The following TANC2 variants were observed in gnomAD, a reference collection of about 807,000 sequenced individuals.
The protein encoded by TANC2 is protein TANC2.
TANC2 carries 26 observed loss-of-function variants against 210.5 expected under a neutral mutation model. The ratio of observed to expected loss-of-function variants is 0.12; its 90% confidence interval spans 0.09 to 0.17. The LOEUF (loss-of-function observed/expected upper bound fraction) is 0.17, where lower values mean the gene tolerates loss of function less well. Ranked by LOEUF, TANC2 falls within the 10% of genes least tolerant of loss-of-function variation. The pLI, the probability that TANC2 is intolerant of heterozygous loss-of-function variation, is 1.00. For synonymous variants in TANC2, 931 were observed against 967.1 expected, an observed-to-expected ratio of 0.96 and a Z score of 0.69; for missense variants, 2,129 against 2,608.9, an observed-to-expected ratio of 0.82 and a Z score of 4.01.
chr17:63,367,731 A>G (rs2047151160), intron 14 of TANC2, among the ~76,000 whole-genome samples: 1 of 152,184 alleles, frequency 6.6e-6, no homozygotes, highest in Non-Finnish European at 1.5e-5. Context: ...GAGGAGTGAG[A>G]ACATATGAAA....
rs2037994740 is a variant in TANC2 at position 63,110,506 on chromosome 17, C to CTT, written c.322+11150_322+11151insTT. 1.3e-5 allele frequency among the ~76,000 whole-genome samples: 2 copies of CTT among 151,630 alleles called. 1 individual carries two copies. The highest frequency in any genetic ancestry group is 4.9e-5 in the African/African-American group (2 of 40,932). On this transcript the variant is annotated intron_variant, in intron 4 of 27. Coordinates refer to ENST00000689528, the Ensembl canonical transcript of TANC2. ...CTCACAGTTCTGGTGGCTGGGAAGT[C>CTT]TAAGATCAAGGCACCAGCAGGTTTG...
chr17:63,050,952 A>G (rs973350089), intron 2 of TANC2, among the ~76,000 whole-genome samples: 1 of 152,194 alleles, frequency 6.6e-6, no homozygotes, highest in Non-Finnish European at 1.5e-5. Context: ...CATAGTCTCA[A>G]TGTTAGTGCA....
At chr17:62,972,894 A>G (rs1242662618) in intron 1 of TANC2, among the ~76,000 whole-genome samples, 1 of 152,108 alleles carries the variant, frequency 6.6e-6, no homozygotes, top group African/African-American at 2.4e-5. Flanking sequence ...TCTCTGGGCA[A>G]ACTGCTTCAC....
At chr17:62,990,827 CAG>C (rs1471368385) in intron 1 of TANC2, among the ~76,000 whole-genome samples, 1 of 151,826 alleles carries the variant, frequency 6.6e-6, no homozygotes, top group African/African-American at 2.4e-5. Context: ...GGGTAGTTGA[CAG>C]AGTTCTTTCT....
At chr17:62,979,529 A>T (rs999940671) in intron 1 of TANC2, among the ~76,000 whole-genome samples, 5 of 152,214 alleles carry the variant, frequency 3.3e-5, no homozygotes, top group Non-Finnish European at 7.3e-5. Flanking sequence ...AATAAATTTT[A>T]AAAATATTTT....
At chr17:63,094,296 T>C (rs2037308773) in intron 3 of TANC2, among the ~76,000 whole-genome samples, 1 of 152,082 alleles carries the variant, frequency 6.6e-6, no homozygotes, top group Admixed American at 6.6e-5. Flanking sequence ...AGTCACAGAG[T>C]GATGATACGA....
At chr17:63,211,440 A>G (rs963577771) in intron 7 of TANC2, among the ~76,000 whole-genome samples, 2 of 151,706 alleles carry the variant, frequency 1.3e-5, no homozygotes, top group African/African-American at 4.8e-5. Flanking sequence ...GTTCATAATG[A>G]TCATTCTTAC....
chr17:63,347,874 A>C (rs577947918), intron 12 of TANC2, among the ~76,000 whole-genome samples: 6 of 152,290 alleles, frequency 3.9e-5, no homozygotes, highest in African/African-American at 1.4e-4. Context: ...TCTTGAGCCC[A>C]AGCTATCCTC....
intron 4 of TANC2, among the ~76,000 whole-genome samples, chr17:63,118,264 TAAC>T (rs906431202): frequency 5.9e-5 from 9 of 152,226 alleles, no homozygotes; most frequent in African/African-American, 1.7e-4. Context: ...GAATTTTTTT[TAAC>T]AACACAATTT....
chr17:63,174,836 C>G (rs530557642), intron 5 of TANC2, among the ~76,000 whole-genome samples: 2 of 152,172 alleles, frequency 1.3e-5, no homozygotes, highest in African/African-American at 4.8e-5. Context: ...TATATTCTAG[C>G]AAAGAACCAT....
At chr17:63,417,046 A>C (rs1353440528) in intron 26 of TANC2, among the ~76,000 whole-genome samples, 2 of 152,246 alleles carry the variant, frequency 1.3e-5, no homozygotes, top group Admixed American at 6.5e-5. Flanking sequence ...TGATGGTCCC[A>C]AAAGAACAAA....
chr17:63,389,407 A>C (rs764514238), exon 17 of TANC2: 4 of 1,614,004 alleles, frequency 2.5e-6, no homozygotes, highest in Non-Finnish European at 3.4e-6. Flanking sequence ...TCTTGGTTAC[A>C]CAGAAATGGT....
chr17:63,114,862 C>G (rs1001264155), intron 4 of TANC2, among the ~76,000 whole-genome samples: 2 of 152,120 alleles, frequency 1.3e-5, no homozygotes, highest in African/African-American at 2.4e-5. Flanking sequence ...TCTCTCCACC[C>G]TTAAGTTAAA....
chr17:63,244,716 G>A (rs1003127971), intron 8 of TANC2, among the ~76,000 whole-genome samples: 21 of 152,136 alleles, frequency 1.4e-4, no homozygotes, highest in African/African-American at 5.1e-4. Flanking sequence ...TTAGCGTATT[G>A]TCTCTGATAT....
intron 7 of TANC2, among the ~76,000 whole-genome samples, chr17:63,208,668 C>G (rs1480340176): frequency 1.3e-5 from 2 of 152,116 alleles, no homozygotes; most frequent in Admixed American, 6.5e-5. Context: ...TTATCTCTTT[C>G]ATTTAGAGCT....
chr17:63,325,391 C>T (rs1283846836), intron 11 of TANC2, among the ~76,000 whole-genome samples: 12 of 152,160 alleles, frequency 7.9e-5, no homozygotes, highest in Admixed American at 6.5e-4. Flanking sequence ...GGAAAACTAC[C>T]ACACCTTGGT....
chr17:63,420,536 C>A lies in TANC2; in HGVS notation c.4806C>A (p.Pro1602=), dbSNP rs772430929. ...AGGGAGGATCTTACCGTTTCAGCCCCCCTCCTGTGGGAGGACAGGGCAAAG... is the reference window on the plus strand; with the variant it reads ...AGGGAGGATCTTACCGTTTCAGCCCACCTCCTGTGGGAGGACAGGGCAAAG... The change falls in exon 28 of 28, where the codon CCC becomes CCA. Residue 1602 remains proline, a synonymous_variant. Transcript: ENST00000689528. The surrounding 1 kb of genome is among the most constrained non-coding windows in gnomAD (Gnocchi z 4.2). The A allele has an allele frequency of 1.2e-6, 2 of 1,613,816 alleles. No individual in the cohort carries two copies. Among genetic ancestry groups the A allele is most frequent in the African/African-American group, 1.3e-5 (1 of 74,940 alleles).
intron 1 of TANC2, among the ~76,000 whole-genome samples, chr17:63,001,260 A>G (rs1289779204): frequency 6.6e-6 from 1 of 152,196 alleles, no homozygotes; most frequent in African/African-American, 2.4e-5. Flanking sequence ...ATTTTGAACT[A>G]TTCCTACAAT....
At chr17:63,301,926 T>C (rs2044732018) in intron 9 of TANC2, among the ~76,000 whole-genome samples, 1 of 152,216 alleles carries the variant, frequency 6.6e-6, no homozygotes, top group South Asian at 2.1e-4. Context: ...GTGCTATAAA[T>C]TTCCCTCTTA....
Sources: gnomAD v4.1 joint callset for allele counts (sites outside exome capture counted in the v4.1 genomes callset) on GRCh38, gnomAD v4.1.1 for gene constraint, Gnocchi (gnomAD v3.1) non-coding constraint, MANE v1.5 for transcripts, NCBI Gene and HGNC (gene_info 2026-07-23, HGNC 2026-07-21) for gene names.